ATP9A: variants seen among roughly 807,000 people sequenced by gnomAD.
The protein encoded by ATP9A is probable phospholipid-transporting ATPase IIA.
ATP9A carries 52 observed loss-of-function variants against 144.1 expected under a neutral mutation model. The ratio of observed to expected loss-of-function variants is 0.36; its 90% CI spans 0.29 to 0.45. ATP9A has a LOEUF of 0.45. Among genes scored for constraint, ATP9A ranks in the 20% least tolerant of loss-of-function variants. The pLI is 1.00. For synonymous variants in ATP9A, 582 were observed against 557.4 expected (o/e 1.04, Z -0.62); for missense variants, 947 against 1,392.7 (o/e 0.68, Z 5.09).
At chr20:51,758,945 C>T (rs796697010) in intron 1 of ATP9A, among the ~76,000 whole-genome samples, 15 of 152,194 alleles carry the variant, frequency 9.9e-5, no homozygotes, top group African/African-American at 3.4e-4. Flanking sequence ...AGAAAGAGCC[C>T]GTCTGCAAGG....
intron 14 of ATP9A, among the ~76,000 whole-genome samples, chr20:51,645,231 TCTGCAGGATCTGGCGAGGTGG>T (rs1450735152): frequency 3.3e-5 from 5 of 152,080 alleles, no homozygotes; most frequent in Admixed American, 6.6e-5. Context: ...AATCAAAACC[TCTGCAGGATCTGGCGAGGTGG>T]CTCACACCTG....
intron 4 of ATP9A, among the ~76,000 whole-genome samples, chr20:51,711,320 A>AT (rs951329530): frequency 1.9e-4 from 29 of 151,310 alleles, no homozygotes; most frequent in South Asian, 8.4e-4. Flanking sequence ...TAAAATCTGC[A>AT]TTTTTTTTTA....
At chr20:51,720,030 CAGTG>C (rs1275761152) in intron 3 of ATP9A, among the ~76,000 whole-genome samples, 1 of 152,234 alleles carries the variant, frequency 6.6e-6, no homozygotes, top group Non-Finnish European at 1.5e-5. Flanking sequence ...GCCTGGGTGA[CAGTG>C]AGTGAGACTC....
At chr20:51,732,001 A>G (rs1163082614) in intron 1 of ATP9A, among the ~76,000 whole-genome samples, 1 of 152,096 alleles carries the variant, frequency 6.6e-6, no homozygotes, top group Non-Finnish European at 1.5e-5. Context: ...CCTGGAGAGA[A>G]GCCAGCACAC....
In ATP9A at chr20:51,743,396, AT is replaced by A. The variant is rs769952209; in HGVS notation, c.69-13419del. ...GAGATGGGCTGCAAGACCGAAACTG[AT>A]TTTTTTTTTTTTTTTTTTTTGAGAC... On this transcript the variant is annotated intron_variant, in intron 1 of 27. Coordinates refer to ENST00000338821, the MANE Select transcript of ATP9A (RefSeq NM_006045.3). Among the ~76,000 whole-genome samples the A allele has an allele frequency of 1.6e-3, 143 of 89,840 alleles. 1 individual carries two copies. Among genetic ancestry groups the A allele is most frequent in the African/African-American group, 5.5e-3 (117 of 21,122 alleles). The allele number at this position is 89,840 out of a possible 152,430, so 58.9% of individuals were successfully genotyped here.
intron 1 of ATP9A, among the ~76,000 whole-genome samples, chr20:51,756,693 CT>C (rs2077857707): frequency 6.6e-6 from 1 of 152,166 alleles, no homozygotes; most frequent in South Asian, 2.1e-4. Context: ...TAAAGGCCCC[CT>C]GTCTCCAAAT....
chr20:51,605,610 CCT>C lies in ATP9A; in HGVS notation c.2804-592_2804-591del, dbSNP rs972979245. 1.4e-4 allele frequency among the ~76,000 whole-genome samples: 19 copies of C among 138,194 alleles called. No homozygotes were observed. In the East Asian group the frequency reaches 2.6e-3, roughly 19 times the overall value. 90.7% of individuals were successfully genotyped at this position (138,194 alleles called of 152,430 possible). A position where few individuals can be genotyped will look rare whatever the true frequency, so the allele number is the denominator to read the frequency against. On this transcript the variant is annotated intron_variant, in intron 26 of 27. Coordinates refer to ENST00000338821, the MANE Select transcript of ATP9A (RefSeq NM_006045.3). ...TCCAGCCTGGGTGACAGAGTGAGCC[CCT>C]GTCTCAAAAAAATAAAAAATAAAAT...
chr20:51,638,074 TATATATA>T (rs2077301311), intron 15 of ATP9A, among the ~76,000 whole-genome samples: 4 of 10,170 alleles, frequency 3.9e-4, no homozygotes, highest in African/African-American at 1.3e-3. Context: ...CATCATTTTA[TATATATA>T]TATATATATA....
At chr20:51,685,181 G>A (rs1321203599) in intron 9 of ATP9A, among the ~76,000 whole-genome samples, 2 of 152,178 alleles carry the variant, frequency 1.3e-5, no homozygotes, top group East Asian at 3.8e-4. Context: ...AGATACACAT[G>A]TAAGTTAAGT....
intron 14 of ATP9A, among the ~76,000 whole-genome samples, chr20:51,646,018 C>T (rs189326188): frequency 1.3e-5 from 2 of 152,094 alleles, no homozygotes; most frequent in South Asian, 2.1e-4. Context: ...ACATTAGACG[C>T]GAGCTGGATA....
At chr20:51,640,102 AC>A (rs1471554681) in intron 14 of ATP9A, among the ~76,000 whole-genome samples, 1 of 149,146 alleles carries the variant, frequency 6.7e-6, no homozygotes, top group Non-Finnish European at 1.5e-5. Flanking sequence ...ACCCCACACC[AC>A]CCCCACTCCG....
chr20:51,630,171 AAAAGT>A, intron 15 of ATP9A, among the ~76,000 whole-genome samples: 1 of 152,226 alleles, frequency 6.6e-6, no homozygotes, highest in Non-Finnish European at 1.5e-5. Flanking sequence ...CTCCAGCCCT[AAAAGT>A]CAACAGTGCT....
chr20:51,715,003 T>G (rs11698427), intron 3 of ATP9A, among the ~76,000 whole-genome samples: 4,582 of 152,286 alleles, frequency 0.03, 87 homozygotes, highest in Non-Finnish European at 0.046. Flanking sequence ...TTTACTTACT[T>G]GTTTACAGTC....
intron 15 of ATP9A, among the ~76,000 whole-genome samples, chr20:51,631,498 T>C (rs755791036): frequency 3.0e-4 from 45 of 152,130 alleles, no homozygotes; most frequent in Non-Finnish European, 5.9e-4. Context: ...AGGGCTTGAG[T>C]GAGTTCAGAA....
chr20:51,617,569 G>C lies in ATP9A; in HGVS notation c.2351-15C>G, dbSNP rs1243785338. 4 of 1,609,736 alleles carry C rather than the reference G, an allele frequency of 2.5e-6. No homozygotes were observed. Among genetic ancestry groups the C allele is most frequent in the Non-Finnish European group, 2.5e-6 (3 of 1,177,966 alleles). On this transcript the variant is annotated splice_polypyrimidine_tract_variant and intron_variant, in intron 21 of 27. Coordinates refer to ENST00000338821, the MANE Select transcript of ATP9A (RefSeq NM_006045.3). ...GCCTCCGTCCCCTGCGAGCCACACA[G>C]ACCAGAGAGAAAAGATGTTTCATTC... is the stretch of plus-strand genomic sequence containing the variant.
At chr20:51,710,863 G>T (rs2077635361) in intron 4 of ATP9A, among the ~76,000 whole-genome samples, 2 of 152,132 alleles carry the variant, frequency 1.3e-5, no homozygotes, top group South Asian at 4.1e-4. Context: ...ATTGCAATAT[G>T]AAAAGAACCA....
intron 9 of ATP9A, among the ~76,000 whole-genome samples, chr20:51,680,031 A>T (rs981507168): frequency 6.6e-6 from 1 of 151,954 alleles, no homozygotes; most frequent in Non-Finnish European, 1.5e-5. Context: ...GAAGTTCGAG[A>T]CCAGCCTGGC....
intron 9 of ATP9A, among the ~76,000 whole-genome samples, chr20:51,683,966 C>A (rs2077511383): frequency 1.3e-5 from 2 of 152,078 alleles, no homozygotes; most frequent in South Asian, 4.2e-4. Flanking sequence ...AAAACAGAAA[C>A]CACAAAGAAA....
At chr20:51,682,751 C>T (rs190432508) in intron 9 of ATP9A, among the ~76,000 whole-genome samples, 2,325 of 149,574 alleles carry the variant, frequency 0.016, 33 homozygotes, top group African/African-American at 0.031. Context: ...ACCACCACAC[C>T]CGGCTAATTT....
Sources: gnomAD v4.1 joint callset for allele counts (sites outside exome capture counted in the v4.1 genomes callset) on GRCh38, gnomAD v4.1.1 for gene constraint, MANE v1.5 for transcripts, NCBI Gene and HGNC (gene_info 2026-07-23, HGNC 2026-07-21) for gene names.